The following TMEM131 variants were observed in gnomAD, a reference collection of about 807,000 sequenced individuals.
The protein encoded by TMEM131 is 2610524E03Rik.
A neutral mutation model predicts 211.6 loss-of-function variants in TMEM131; 66 were observed. That is an observed-to-expected ratio of 0.31 (90% CI 0.26 to 0.38). The LOEUF is 0.38. Ranked by LOEUF, TMEM131 falls within the 10% of genes least tolerant of loss-of-function variation. The pLI is 1.00. For missense variants in TMEM131, 2,036 were observed against 2,299.3 expected, an observed-to-expected ratio of 0.89 and a Z score of 2.34; for synonymous variants, 844 against 841.3, an observed-to-expected ratio of 1.00 and a Z score of -0.06.
chr2:97,793,867 G>A (rs1308911380), intron 29 of TMEM131, among the ~76,000 whole-genome samples: 7 of 151,224 alleles, frequency 4.6e-5, no homozygotes, highest in Admixed American at 1.3e-4. Flanking sequence ...GGTGGCGGGC[G>A]CCTGTAGTCC....
At chr2:97,900,192 G>A (rs904680867) in intron 3 of TMEM131, among the ~76,000 whole-genome samples, 20 of 152,064 alleles carry the variant, frequency 1.3e-4, no homozygotes, top group Non-Finnish European at 2.8e-4. Context: ...GCTAGCCCAG[G>A]AAAGATCAAA....
At chr2:97,797,197 T>C (rs1318995079) in intron 26 of TMEM131, among the ~76,000 whole-genome samples, 168 bp downstream of exon 26, 2 of 152,256 alleles carry the variant, frequency 1.3e-5, no homozygotes, top group African/African-American at 4.8e-5. Context: ...TTTTGAACTA[T>C]GCATTTGATA....
chr2:97,863,873 A>C (rs1220476929), intron 4 of TMEM131, among the ~76,000 whole-genome samples: 2 of 152,210 alleles, frequency 1.3e-5, no homozygotes, highest in Non-Finnish European at 2.9e-5. Context: ...CCCAGTCATG[A>C]GTATACACCC....
chr2:97,941,145 A>C (rs1677707436), intron 1 of TMEM131, among the ~76,000 whole-genome samples: 1 of 152,218 alleles, frequency 6.6e-6, no homozygotes, highest in Admixed American at 6.5e-5. Context: ...AATGAAACAG[A>C]ACAGAGCCCT....
intron 3 of TMEM131, chr2:97,907,055 C>T (rs1676101496): frequency 6.6e-6 from 1 of 152,158 alleles, no homozygotes. Flanking sequence ...AGCTAATTTC[C>T]TAATTGCTGG....
At chr2:97,868,803 C>G (rs1311208924) in intron 4 of TMEM131, among the ~76,000 whole-genome samples, 2 of 152,094 alleles carry the variant, frequency 1.3e-5, no homozygotes, top group Non-Finnish European at 2.9e-5. Context: ...CTCCTCAAAC[C>G]AAGAAGCACT....
chr2:97,897,181 T>C (rs1212845388), intron 3 of TMEM131, among the ~76,000 whole-genome samples: 1 of 152,154 alleles, frequency 6.6e-6, no homozygotes, highest in Non-Finnish European at 1.5e-5. Context: ...TTTTGGTATA[T>C]TCCTTAGGAC....
intron 1 of TMEM131, among the ~76,000 whole-genome samples, chr2:97,990,322 A>C (rs1680206963): frequency 6.6e-6 from 1 of 152,214 alleles, no homozygotes; most frequent in Non-Finnish European, 1.5e-5. Context: ...GATTGAAAAA[A>C]AAAAAAAGTA....
chr2:97,860,858 A>G (rs776048556), intron 4 of TMEM131, among the ~76,000 whole-genome samples: 12 of 152,202 alleles, frequency 7.9e-5, no homozygotes, highest in African/African-American at 1.7e-4. Flanking sequence ...TTTTAACTTC[A>G]TATCACTGAA....
chr2:97,995,188 A>G (rs917140121), intron 1 of TMEM131, among the ~76,000 whole-genome samples: 6 of 152,268 alleles, frequency 3.9e-5, no homozygotes, highest in Non-Finnish European at 5.9e-5. Flanking sequence ...ATAAAGCCAA[A>G]AAATATGCCC....
At chr2:97,964,952 G>A (rs970860668) in intron 1 of TMEM131, among the ~76,000 whole-genome samples, 2 of 152,158 alleles carry the variant, frequency 1.3e-5, no homozygotes, top group Non-Finnish European at 1.5e-5. Context: ...GGTGCCAGAT[G>A]AGTTGGTCTC....
At chr2:97,773,654 GT>G (rs34393939) in intron 32 of TMEM131, among the ~76,000 whole-genome samples, 41 of 146,486 alleles carry the variant, frequency 2.8e-4, no homozygotes, top group Non-Finnish European at 3.2e-4. Context: ...ATTATGTGTG[GT>G]TTTTTTTTTT....
intron 11 of TMEM131, among the ~76,000 whole-genome samples, chr2:97,825,853 G>A (rs963530847): frequency 1.3e-5 from 2 of 152,170 alleles, no homozygotes; most frequent in African/African-American, 4.8e-5. Flanking sequence ...TACAAGGAAA[G>A]GATCTCACTG....
chr2:97,777,090 A>C lies in TMEM131; in HGVS notation c.4145-1072T>G, dbSNP rs577948371. Among the ~76,000 whole-genome samples the C allele has an allele frequency of 5.3e-5, 8 of 152,298 alleles. No individual in the cohort carries two copies. In the South Asian group the frequency reaches 1.0e-3, roughly 20 times the overall value. ...TTCTGTGTGCTGGGAACATAGTAGC[A>C]AACAACAAGCAAGCTCCTGCCCTCA... On this transcript the variant is annotated intron_variant, in intron 31 of 40. Transcript: ENST00000186436.
intron 1 of TMEM131, among the ~76,000 whole-genome samples, chr2:97,942,055 G>T (rs1247762305): frequency 1.3e-5 from 2 of 152,070 alleles, no homozygotes; most frequent in Admixed American, 6.5e-5. Context: ...ATTCACAAGA[G>T]CAAAGACTTG....
intron 8 of TMEM131, among the ~76,000 whole-genome samples, chr2:97,836,727 CA>C (rs1447125041): frequency 6.6e-6 from 1 of 152,142 alleles, no homozygotes; most frequent in Admixed American, 6.5e-5. Context: ...ATGCTTCCTA[CA>C]TTTTTTTAAT....
At chr2:97,995,399 T>C in intron 1 of TMEM131, 77 bp downstream of exon 1, 1 of 1,261,406 alleles carries the variant, frequency 7.9e-7, no homozygotes, top group Non-Finnish European at 1.0e-6. Flanking sequence ...CGGCCCTTCC[T>C]CCCGGCCCAG....
At chr2:97,958,364 C>T (rs1476734720) in intron 1 of TMEM131, among the ~76,000 whole-genome samples, 1 of 152,190 alleles carries the variant, frequency 6.6e-6, no homozygotes, top group African/African-American at 2.4e-5. Context: ...CAACGACCTT[C>T]CAATACTTAG....
intron 1 of TMEM131, among the ~76,000 whole-genome samples, chr2:97,954,616 C>T (rs1010936086): frequency 6.6e-6 from 1 of 152,048 alleles, no homozygotes; most frequent in South Asian, 2.1e-4. Context: ...ACCAGCCTTA[C>T]CAACATGGTG....
Sources: allele counts gnomAD v4.1 joint callset (sites outside exome capture counted in the v4.1 genomes callset), GRCh38; gene constraint gnomAD v4.1.1; transcripts MANE v1.5; gene names NCBI Gene and HGNC (gene_info 2026-07-23, HGNC 2026-07-21).